The following GABRG3 variants were observed in gnomAD, a reference collection of about 807,000 sequenced individuals.
GABRG3 encodes the protein gamma-aminobutyric acid receptor subunit gamma-3.
In GABRG3, 25 loss-of-function variants were observed where a neutral mutation model predicts 48.8. The ratio of observed to expected loss-of-function variants is 0.51; its 90% confidence interval spans 0.37 to 0.72. The LOEUF (loss-of-function observed/expected upper bound fraction) is 0.72. Ranked by LOEUF, GABRG3 falls within the 30% of genes least tolerant of loss-of-function variation. The pLI, the probability that GABRG3 is intolerant of heterozygous loss-of-function variation, is 0.00. For missense variants in GABRG3, 394 were observed against 577.9 expected (o/e 0.68, Z 3.26); for synonymous variants, 227 against 217.6 (o/e 1.04, Z -0.38).
chr15:27,527,145 G>A (rs967594573), intron 7 of GABRG3, among the ~76,000 whole-genome samples: 42 of 152,188 alleles, frequency 2.8e-4, no homozygotes, highest in African/African-American at 9.9e-4. Context: ...CAAAAAGAGC[G>A]TCTACGTTAA....
chr15:27,255,654 A>G (rs933839195), intron 3 of GABRG3, among the ~76,000 whole-genome samples: 1 of 151,890 alleles, frequency 6.6e-6, no homozygotes, highest in East Asian at 1.9e-4. Flanking sequence ...GTACTTATTC[A>G]GCTCCAGGAA....
chr15:27,040,018 C>T (rs1040489276), intron 3 of GABRG3, among the ~76,000 whole-genome samples: 1 of 152,246 alleles, frequency 6.6e-6, no homozygotes, highest in Non-Finnish European at 1.5e-5. Flanking sequence ...GTTCTCCTTT[C>T]CTTACCTTCC....
At chr15:27,437,028 AGAGAGC>A (rs991450064) in intron 5 of GABRG3, among the ~76,000 whole-genome samples, 2 of 150,674 alleles carry the variant, frequency 1.3e-5, no homozygotes, top group African/African-American at 4.9e-5. Flanking sequence ...AGAGAGAGAG[AGAGAGC>A]GCCCACATTC....
chr15:27,262,202 T>A (rs745811469), intron 3 of GABRG3, among the ~76,000 whole-genome samples: 1 of 152,202 alleles, frequency 6.6e-6, no homozygotes, highest in East Asian at 1.9e-4. Context: ...GGGAGCTGAG[T>A]GCCTCGGTCT....
chr15:27,126,163 A>G (rs1025381912), intron 3 of GABRG3, among the ~76,000 whole-genome samples: 7 of 152,238 alleles, frequency 4.6e-5, no homozygotes, highest in Admixed American at 1.3e-4. Flanking sequence ...AGTTGAGAGA[A>G]CAGGGCTTCT....
intron 5 of GABRG3, among the ~76,000 whole-genome samples, chr15:27,342,584 C>T (rs745383831): frequency 2.6e-5 from 4 of 152,338 alleles, no homozygotes; most frequent in Non-Finnish European, 4.4e-5. Flanking sequence ...TGCAAGGGTT[C>T]GCAGATTCTC....
At chr15:27,020,569 G>A (rs942687044) in intron 2 of GABRG3, among the ~76,000 whole-genome samples, 30 of 129,836 alleles carry the variant, frequency 2.3e-4, no homozygotes, top group Admixed American at 2.3e-4. Flanking sequence ...CCGCCACCAC[G>A]CCCGGCTAAT....
At chr15:27,088,118 T>TGTGTGTGTGTGCACGC (rs1897113818) in intron 3 of GABRG3, among the ~76,000 whole-genome samples, 1 of 151,680 alleles carries the variant, frequency 6.6e-6, no homozygotes, top group African/African-American at 2.4e-5. Context: ...TGTGTGTGTG[T>TGTGTGTGTGTGCACGC]GTGTGTGTGC....
intron 3 of GABRG3, among the ~76,000 whole-genome samples, chr15:27,302,717 A>G (rs2140494132): frequency 6.6e-6 from 1 of 152,128 alleles, no homozygotes; most frequent in East Asian, 1.9e-4. Context: ...TAACAAAAAT[A>G]TATTCTGGGT....
chr15:27,104,182 C>T (rs1897409493), intron 3 of GABRG3, among the ~76,000 whole-genome samples: 1 of 152,218 alleles, frequency 6.6e-6, no homozygotes, highest in South Asian at 2.1e-4. Flanking sequence ...ATATTAGCTT[C>T]TGTTTTTAGG....
chr15:27,508,244 A>G (rs1041249760), intron 6 of GABRG3, among the ~76,000 whole-genome samples: 1 of 152,094 alleles, frequency 6.6e-6, no homozygotes, highest in African/African-American at 2.4e-5. Context: ...CCCTCTTGCT[A>G]CTTTGATTAC....
chr15:27,260,413 C>G (rs1384173568), intron 3 of GABRG3, among the ~76,000 whole-genome samples: 2 of 152,162 alleles, frequency 1.3e-5, no homozygotes, highest in Non-Finnish European at 2.9e-5. Flanking sequence ...CATAGGACTT[C>G]AGCGTATGAA....
chr15:27,428,523 G>T (rs975185487), intron 5 of GABRG3, among the ~76,000 whole-genome samples: 1 of 152,206 alleles, frequency 6.6e-6, no homozygotes, highest in African/African-American at 2.4e-5. Flanking sequence ...GTGAGACCAC[G>T]CACAATTTTC....
intron 6 of GABRG3, among the ~76,000 whole-genome samples, chr15:27,488,019 G>T (rs779275381): frequency 6.6e-6 from 1 of 152,114 alleles, no homozygotes; most frequent in Non-Finnish European, 1.5e-5. Context: ...GCTGTGGAGC[G>T]CAGCACTCTA....
Position 27,064,900 on chromosome 15 carries a change from A to G in GABRG3, c.270+38079A>G, listed in dbSNP as rs1052145812. On this transcript the variant is annotated intron_variant, in intron 3 of 9. Transcript: ENST00000615808. Reference sequence around the variant, plus strand: ...ACCTTCTCTTCATGACCATCTAAACATCTTTAAACGTGTGTCAAGTTGTGT... The same window carrying G: ...ACCTTCTCTTCATGACCATCTAAACGTCTTTAAACGTGTGTCAAGTTGTGT... Among the ~76,000 whole-genome samples, 7 of 152,230 alleles carry G rather than the reference A, an allele frequency of 4.6e-5. No homozygotes were observed. The East Asian group carries it at 1.3e-3, about 29-fold the overall frequency.
chr15:27,150,551 T>C (rs1898291837), intron 3 of GABRG3, among the ~76,000 whole-genome samples: 1 of 152,204 alleles, frequency 6.6e-6, no homozygotes, highest in Non-Finnish European at 1.5e-5. Flanking sequence ...TAAAACACGT[T>C]TGTTCTTCTC....
At chr15:27,056,280 G>A (rs1896543633) in intron 3 of GABRG3, among the ~76,000 whole-genome samples, 1 of 150,808 alleles carries the variant, frequency 6.6e-6, no homozygotes, top group Non-Finnish European at 1.5e-5. Flanking sequence ...GAGCCTGGGG[G>A]GAACTGAGGC....
At chr15:27,428,280 A>G (rs892710481) in intron 5 of GABRG3, 2 of 152,194 alleles carry the variant, frequency 1.3e-5, no homozygotes, top group African/African-American at 2.4e-5. Context: ...GTTACCAGGG[A>G]ATGTGATTAT....
intron 3 of GABRG3, among the ~76,000 whole-genome samples, chr15:27,059,739 G>GGCCA (rs1218001726): frequency 1.3e-5 from 2 of 152,224 alleles, no homozygotes; most frequent in Non-Finnish European, 1.5e-5. Context: ...GCATAGGTCT[G>GGCCA]GGTCCTGGCA....
Sources: allele counts gnomAD v4.1 joint callset (sites outside exome capture counted in the v4.1 genomes callset), GRCh38; gene constraint gnomAD v4.1.1; transcripts MANE v1.5; gene names NCBI Gene and HGNC (gene_info 2026-07-23, HGNC 2026-07-21).